The following ROS1 variants were observed in gnomAD, a reference collection of about 807,000 sequenced individuals.
ROS1 encodes the protein proto-oncogene tyrosine-protein kinase ROS.
A neutral mutation model predicts 273.5 loss-of-function variants in ROS1; 263 were observed. The observed-to-expected ratio is 0.96, with a 90% CI of 0.87 to 1.06. The LOEUF is 1.06. Among genes scored for constraint, ROS1 ranks in the 50% least tolerant of loss-of-function variants. The pLI is 0.00. For synonymous variants in ROS1, 1,008 were observed against 954.1 expected (o/e 1.06, Z -1.04); for missense variants, 2,833 against 2,751.1 (o/e 1.03, Z -0.67).
Position 117,341,410 on chromosome 6 carries a change from T to C in ROS1, c.4874A>G (p.Tyr1625Cys), listed in dbSNP as rs1264334742. ...GTAAACTCACTGTACCTTTAACACATAAATATTTCCACCAGACAGTCTAGT... is the reference window on the plus strand; with the variant it reads ...GTAAACTCACTGTACCTTTAACACACAAATATTTCCACCAGACAGTCTAGT... Reference protein sequence around the residue: ...LVTRLSGGNIYVLKVLACHSE... With the variant: ...LVTRLSGGNICVLKVLACHSE... The change falls in exon 30 of 44, where the codon TAT (tyrosine) becomes TGT (cysteine). Residue 1625 changes from tyrosine (Y) to cysteine (C), a missense_variant. By Grantham distance (194) the Tyr-to-Cys change is radical. Transcript: ENST00000368507. The C allele has an allele frequency of 8.1e-6, 13 of 1,613,352 alleles. No individual in the cohort carries two copies. The highest frequency in any genetic ancestry group is 9.3e-6 in the Non-Finnish European group (11 of 1,179,462).
At chr6:117,381,110 C>T (rs1772090440) in intron 17 of ROS1, among the ~76,000 whole-genome samples, 3 of 151,598 alleles carry the variant, frequency 2.0e-5, no homozygotes, top group Non-Finnish European at 2.9e-5. Flanking sequence ...GACATCAAAC[C>T]ATGGAACCAG....
chr6:117,294,720 T>C (rs991252349), intron 43 of ROS1, among the ~76,000 whole-genome samples: 1 of 152,044 alleles, frequency 6.6e-6, no homozygotes, highest in African/African-American at 2.4e-5. Context: ...AAGAGCCACA[T>C]AAAGAATGAA....
chr6:117,390,086 A>G (rs543388706), intron 12 of ROS1, among the ~76,000 whole-genome samples: 7 of 152,322 alleles, frequency 4.6e-5, no homozygotes, highest in Non-Finnish European at 8.8e-5. Context: ...CTTAATTATT[A>G]TAAGTGACTT....
At chr6:117,366,383 T>A in intron 18 of ROS1, 93 bp from the exon 19 acceptor site, 1 of 826,582 alleles carries the variant, frequency 1.2e-6, no homozygotes, top group South Asian at 1.4e-5. Flanking sequence ...TTTGTGAGTA[T>A]CTGTACGCAT....
rs200061778 is a variant in ROS1 at position 117,385,305 on chromosome 6, AGCACTTTG to A, written c.2289+370_2289+377del. 9.5e-4 allele frequency among the ~76,000 whole-genome samples: 145 copies of A among 152,376 alleles called. 2 individuals carry two copies. The East Asian group carries it at 0.026, about 28-fold the overall frequency. ...AGCGGTGGCTCACGCCTGTAATCCC[AGCACTTTG>A]GGAGGCCGAGGCAGGCAGATCTCTT... On this transcript the variant is annotated intron_variant, in intron 16 of 43. Transcript: ENST00000368507.
chr6:117,311,869 T>A (rs1213764251), intron 39 of ROS1, among the ~76,000 whole-genome samples: 1 of 152,136 alleles, frequency 6.6e-6, no homozygotes, highest in Non-Finnish European at 1.5e-5. Flanking sequence ...TATATTACAT[T>A]GTCTGTCCCT....
chr6:117,348,191 C>A (rs1778528576), intron 27 of ROS1, among the ~76,000 whole-genome samples: 1 of 151,942 alleles, frequency 6.6e-6, no homozygotes, highest in Non-Finnish European at 1.5e-5. Flanking sequence ...TGATAGAATG[C>A]ATCATTGAAT....
chr6:117,371,624 T>C (rs1209987257), intron 18 of ROS1, among the ~76,000 whole-genome samples: 2 of 152,142 alleles, frequency 1.3e-5, no homozygotes, highest in Admixed American at 1.3e-4. Flanking sequence ...ACAGAAACCA[T>C]GACAGGTGGG....
Position 117,404,283 on chromosome 6 carries a change from A to T in ROS1, c.462T>A (p.Thr154=). The change falls in exon 6 of 44, where the codon ACT becomes ACA. Residue 154 remains threonine, a synonymous_variant. Transcript: ENST00000368507. ...YAQLLGSWTY[T]KTVSRPSYVV... ...GTACAAAGGCAGCCTTTCATACCTT[A>T]GTATAAGTCCAGCTTCCCAGAAGTT... 6.2e-7 allele frequency: 1 copy of T among 1,613,796 alleles called. No individual in the cohort carries two copies. The highest frequency in any genetic ancestry group is 8.5e-7 in the Non-Finnish European group (1 of 1,179,796).
At chr6:117,392,686 G>C (rs976046946) in intron 12 of ROS1, among the ~76,000 whole-genome samples, 3 of 152,144 alleles carry the variant, frequency 2.0e-5, no homozygotes, top group Non-Finnish European at 2.9e-5. Context: ...CAGCAAGACT[G>C]CGGTACAATG....
intron 43 of ROS1, among the ~76,000 whole-genome samples, chr6:117,300,071 C>T (rs562505050): frequency 2.7e-5 from 4 of 146,524 alleles, no homozygotes; most frequent in African/African-American, 7.5e-5. Flanking sequence ...TACAGGCGCC[C>T]GCCACCAGGA....
At position 117,326,223 on chromosome 6, in the gene ROS1, C is replaced by A. The variant is rs1245700891; in HGVS notation, c.5539+1G>T. 1.9e-6 allele frequency: 3 copies of A among 1,579,710 alleles called. No homozygotes were observed. Among genetic ancestry groups the A allele is most frequent in the Non-Finnish European group, 2.6e-6 (3 of 1,164,576 alleles). On this transcript the variant is annotated splice_donor_variant, in intron 34 of 43. Transcript: ENST00000368507. LOFTEE classifies it high-confidence loss of function. ...GTGTGTAGACAGACATGGTAACATA[C>A]CTCCAACTAATATAATATTCTCACT...
At chr6:117,300,769 A>G (rs1410813122) in intron 43 of ROS1, among the ~76,000 whole-genome samples, 1 of 152,240 alleles carries the variant, frequency 6.6e-6, no homozygotes, top group Non-Finnish European at 1.5e-5. Context: ...CAGGGGCCAT[A>G]GAACTATCCT....
chr6:117,323,795 G>A (rs1258581413), intron 35 of ROS1, among the ~76,000 whole-genome samples: 1 of 151,930 alleles, frequency 6.6e-6, no homozygotes, highest in Non-Finnish European at 1.5e-5. Flanking sequence ...AATGAGCAGG[G>A]ATTTGAAATA....
At chr6:117,420,726 G>A (rs553785062) in intron 1 of ROS1, among the ~76,000 whole-genome samples, 143 of 151,820 alleles carry the variant, frequency 9.4e-4, no homozygotes, top group Non-Finnish European at 1.7e-3. Flanking sequence ...GGTCGTATCC[G>A]GGACATAAGT....
chr6:117,417,490 GGAGTGATC>G (rs1352749518), intron 2 of ROS1, among the ~76,000 whole-genome samples: 7 of 152,064 alleles, frequency 4.6e-5, no homozygotes, highest in Admixed American at 2.0e-4. Context: ...TCCCACATTT[GGAGTGATC>G]TTTTTAAAAC....
intron 43 of ROS1, among the ~76,000 whole-genome samples, chr6:117,289,343 T>C (rs1005392976): frequency 3.3e-5 from 5 of 152,248 alleles, no homozygotes; most frequent in East Asian, 1.9e-4. Context: ...TTGATGGATA[T>C]AGCAATGAAT....
At chr6:117,418,217 T>A (rs1319760775) in intron 2 of ROS1, among the ~76,000 whole-genome samples, 1 of 151,640 alleles carries the variant, frequency 6.6e-6, no homozygotes, top group East Asian at 1.9e-4. Context: ...TTAAGTAATT[T>A]GTCCAAAGCC....
intron 2 of ROS1, among the ~76,000 whole-genome samples, chr6:117,416,711 A>C (rs1007936246): frequency 1.3e-5 from 2 of 152,154 alleles, no homozygotes; most frequent in Admixed American, 1.3e-4. Flanking sequence ...GCAAAACTCA[A>C]AACTGGTGAT....
Sources: allele counts gnomAD v4.1 joint callset (sites outside exome capture counted in the v4.1 genomes callset), GRCh38; gene constraint gnomAD v4.1.1; transcripts MANE v1.5; gene names NCBI Gene and HGNC (gene_info 2026-07-23, HGNC 2026-07-21).